CEP83: variants seen among roughly 807,000 people sequenced by gnomAD.
CEP83 encodes centrosomal protein 83.
CEP83 carries 70 observed loss-of-function variants against 101.9 expected under a neutral mutation model. The ratio of observed to expected loss-of-function variants is 0.69; its 90% CI spans 0.57 to 0.84. The LOEUF (loss-of-function observed/expected upper bound fraction) is 0.84, where lower values mean the gene tolerates loss of function less well. CEP83 is among the 40% of genes least tolerant of loss of function. The pLI is 0.00. For missense variants in CEP83, 715 were observed against 787.2 expected, an observed-to-expected ratio of 0.91 and a Z score of 1.10; for synonymous variants, 264 against 267.9, an observed-to-expected ratio of 0.99 and a Z score of 0.14.
the CEP83 span, among the ~76,000 whole-genome samples, chr12:94,300,623 T>C: frequency 1.3e-5 from 2 of 152,154 alleles, no homozygotes; most frequent in Non-Finnish European, 2.9e-5. Flanking sequence ...AGATGGGAAA[T>C]AATCCAGGTG....
At chr12:94,317,305 T>C (rs1053803677) in intron 14 of CEP83, among the ~76,000 whole-genome samples, 1 of 152,162 alleles carries the variant, frequency 6.6e-6, no homozygotes, top group Non-Finnish European at 1.5e-5. Flanking sequence ...AGATGCTAGA[T>C]AGACCTTTGT....
At chr12:94,300,993 G>C in the CEP83 span, 2 of 1,613,730 alleles carry the variant, frequency 1.2e-6, no homozygotes, top group Non-Finnish European at 1.7e-6. Context: ...ATAGACGGCT[G>C]TTTGTCAGTG....
chr12:94,422,143 C>A (rs1352121308), intron 2 of CEP83, among the ~76,000 whole-genome samples: 1 of 152,200 alleles, frequency 6.6e-6, no homozygotes, highest in African/African-American at 2.4e-5. Context: ...TTTGTTCTCC[C>A]CTACCTTTAC....
chr12:94,342,262 C>T (rs1161391801), intron 11 of CEP83, among the ~76,000 whole-genome samples: 1 of 152,090 alleles, frequency 6.6e-6, no homozygotes. Context: ...TTTTAAAAGC[C>T]ACTCAAACTT....
At chr12:94,274,450 G>A in the CEP83 span, among the ~76,000 whole-genome samples, 1 of 152,196 alleles carries the variant, frequency 6.6e-6, no homozygotes, top group African/African-American at 2.4e-5. Flanking sequence ...AACCCAGGCT[G>A]GACCCACTGC....
chr12:94,416,536 T>C (rs1399744409), intron 2 of CEP83, among the ~76,000 whole-genome samples: 1 of 147,910 alleles, frequency 6.8e-6, no homozygotes, highest in African/African-American at 2.5e-5. Flanking sequence ...TACAATCTAC[T>C]CTATCCAAAT....
At chr12:94,385,169 A>C (rs1375574477) in intron 6 of CEP83, among the ~76,000 whole-genome samples, 5 of 152,158 alleles carry the variant, frequency 3.3e-5, no homozygotes, top group Non-Finnish European at 4.4e-5. Flanking sequence ...CCCATAATGA[A>C]CAGGGGTGGG....
intron 6 of CEP83, among the ~76,000 whole-genome samples, chr12:94,379,302 T>C (rs2061709224): frequency 6.6e-6 from 1 of 152,160 alleles, no homozygotes; most frequent in African/African-American, 2.4e-5. Context: ...CTGACTAAAA[T>C]TTAAAATTAT....
chr12:94,392,785 A>G (rs1264295624), intron 6 of CEP83, among the ~76,000 whole-genome samples: 1 of 152,194 alleles, frequency 6.6e-6, no homozygotes, highest in Non-Finnish European at 1.5e-5. Context: ...AAAAAATGAT[A>G]AAGGGGATAT....
chr12:94,316,408 T>G (rs1970693931), intron 14 of CEP83, among the ~76,000 whole-genome samples: 1 of 152,184 alleles, frequency 6.6e-6, no homozygotes. Context: ...CATCTGTGAA[T>G]AATTTTAAAT....
At chr12:94,418,635 G>A (rs1487509024) in intron 2 of CEP83, among the ~76,000 whole-genome samples, 2 of 152,146 alleles carry the variant, frequency 1.3e-5, no homozygotes, top group African/African-American at 4.8e-5. Flanking sequence ...AAGGTAGGCT[G>A]ATGATTTCCA....
chr12:94,338,458 T>C (rs1382675066), intron 11 of CEP83, among the ~76,000 whole-genome samples: 1 of 152,206 alleles, frequency 6.6e-6, no homozygotes. Context: ...CAAATGCTCA[T>C]TTCTCTTCTT....
chr12:94,285,611 G>A, the CEP83 span, among the ~76,000 whole-genome samples: 3 of 152,138 alleles, frequency 2.0e-5, no homozygotes, highest in African/African-American at 7.2e-5. Flanking sequence ...GTGCATTCTT[G>A]GGCTCAGGAA....
chr12:94,386,293 G>A (rs2062143485), intron 6 of CEP83, among the ~76,000 whole-genome samples: 1 of 152,108 alleles, frequency 6.6e-6, no homozygotes, highest in Non-Finnish European at 1.5e-5. Context: ...CTGTCTAACG[G>A]AAAAATAAAT....
rs2063955051 is a variant in CEP83 at position 94,412,591 on chromosome 12, C to A, written c.-101G>T. ...CAGAATCTCAGGAAGCCAAATTATA[C>A]CTGCACAGAGAAATAAACATAATTA... On this transcript the variant is annotated splice_region_variant and 5_prime_UTR_variant, in exon 3 of 17. Transcript: ENST00000397809. 5.6e-6 allele frequency: 5 copies of A among 889,256 alleles called. No individual in the cohort carries two copies. Among genetic ancestry groups the A allele is most frequent in the Admixed American group, 5.0e-5 (2 of 40,040 alleles). 55.1% of individuals were successfully genotyped at this position (889,256 alleles called of 1,614,324 possible). A position where few individuals can be genotyped will look rare whatever the true frequency, so the allele number is the denominator to read the frequency against.
At chr12:94,360,468 C>T (rs79558719) in intron 11 of CEP83, among the ~76,000 whole-genome samples, 6,571 of 151,916 alleles carry the variant, frequency 0.043, 190 homozygotes, top group East Asian at 0.081. Context: ...AGCATTTCTA[C>T]ATACTTAAAC....
intron 1 of CEP83, among the ~76,000 whole-genome samples, chr12:94,454,867 AC>A (rs1171650384): frequency 6.6e-6 from 1 of 152,120 alleles, no homozygotes; most frequent in Non-Finnish European, 1.5e-5. Flanking sequence ...CAGCAATACC[AC>A]GAACCCACCG....
chr12:94,406,484 T>C (rs1439003049), intron 4 of CEP83, among the ~76,000 whole-genome samples: 3 of 151,676 alleles, frequency 2.0e-5, no homozygotes, highest in Admixed American at 2.0e-4. Flanking sequence ...TGAGTGTGTG[T>C]GTGTGTGGTG....
the CEP83 span, among the ~76,000 whole-genome samples, chr12:94,274,907 A>G: frequency 6.6e-6 from 1 of 152,334 alleles, no homozygotes; most frequent in African/African-American, 2.4e-5. Flanking sequence ...ATACAAATAC[A>G]CACACGTCAT....
Sources: allele counts gnomAD v4.1 joint callset (sites outside exome capture counted in the v4.1 genomes callset), GRCh38; gene constraint gnomAD v4.1.1; transcripts MANE v1.5; gene names NCBI Gene and HGNC (gene_info 2026-07-23, HGNC 2026-07-21).